Variants in RANBP2 observed in about 807,000 individuals in gnomAD.
RANBP2 encodes the protein RAN binding protein 2, also known as E3 SUMO-protein ligase RanBP2.
In RANBP2, 57 loss-of-function variants were observed where a neutral mutation model predicts 303.6. The observed-to-expected ratio is 0.19, with a 90% confidence interval of 0.15 to 0.23. RANBP2 has a LOEUF of 0.23. Ranked by LOEUF, RANBP2 falls within the 10% of genes least tolerant of loss-of-function variation. The pLI is 1.00. For missense variants in RANBP2, 3,138 were observed against 3,780.8 expected, an observed-to-expected ratio of 0.83 and a Z score of 4.46; for synonymous variants, 1,167 against 1,301.5, an observed-to-expected ratio of 0.90 and a Z score of 2.23.
chr2:109,662,214 C>G, the RANBP2 span, among the ~76,000 whole-genome samples: 27 of 152,194 alleles, frequency 1.8e-4, no homozygotes, highest in Admixed American at 1.8e-3. Flanking sequence ...CCTTTTCTCT[C>G]CTTCACCAAG....
chr2:109,474,011 G>C, the RANBP2 span, among the ~76,000 whole-genome samples: 1 of 152,296 alleles, frequency 6.6e-6, no homozygotes, highest in African/African-American at 2.4e-5. Flanking sequence ...TATGACAGGG[G>C]CTTTGATGCT....
the RANBP2 span, among the ~76,000 whole-genome samples, chr2:109,497,729 A>C: frequency 6.6e-6 from 1 of 152,230 alleles, no homozygotes; most frequent in South Asian, 2.1e-4. Flanking sequence ...GTCTCGTATA[A>C]ATTCAGCCCA....
the RANBP2 span, among the ~76,000 whole-genome samples, chr2:109,754,837 C>T: frequency 2.0e-4 from 1 of 5,102 alleles, no homozygotes; most frequent in African/African-American, 4.6e-4. Context: ...AGTATTGCCC[C>T]GCTGTGAGAA....
the RANBP2 span, among the ~76,000 whole-genome samples, chr2:108,924,907 G>A: frequency 6.6e-6 from 1 of 152,230 alleles, no homozygotes; most frequent in East Asian, 1.9e-4. Context: ...GCCAGACCAG[G>A]TCAACCTGCA....
chr2:109,570,208 T>A, the RANBP2 span, among the ~76,000 whole-genome samples: 2 of 152,198 alleles, frequency 1.3e-5, no homozygotes, highest in Non-Finnish European at 2.9e-5. Context: ...TTGTCTCTCA[T>A]CAACTGAATA....
At chr2:109,219,329 T>C in the RANBP2 span, among the ~76,000 whole-genome samples, 1 of 152,224 alleles carries the variant, frequency 6.6e-6, no homozygotes, top group African/African-American at 2.4e-5. Flanking sequence ...TCTACTTCTT[T>C]AATTTGCCAA....
chr2:108,904,661 A>G, the RANBP2 span, among the ~76,000 whole-genome samples: 5 of 152,256 alleles, frequency 3.3e-5, no homozygotes, highest in African/African-American at 1.2e-4. Flanking sequence ...GATACATGCA[A>G]CAACCTGGAT....
At chr2:109,326,478 C>T in the RANBP2 span, among the ~76,000 whole-genome samples, 1 of 152,082 alleles carries the variant, frequency 6.6e-6, no homozygotes. Context: ...TGGTGAGAGA[C>T]GTTTCCTTCT....
chr2:108,906,255 C>G, the RANBP2 span: 1 of 1,600,786 alleles, frequency 6.2e-7, no homozygotes, highest in Non-Finnish European at 8.6e-7. Flanking sequence ...GGGCCCAGCC[C>G]TTCATGTCGG....
the RANBP2 span, among the ~76,000 whole-genome samples, chr2:109,474,144 C>T: frequency 6.6e-6 from 1 of 152,082 alleles, no homozygotes. Context: ...CGCAGGTGGC[C>T]AGGGAAGCTT....
At chr2:109,573,082 T>C in the RANBP2 span, among the ~76,000 whole-genome samples, 2 of 152,230 alleles carry the variant, frequency 1.3e-5, no homozygotes, top group Non-Finnish European at 2.9e-5. Context: ...AGGCTCTTAC[T>C]GGGTATGCCT....
the RANBP2 span, among the ~76,000 whole-genome samples, chr2:109,612,655 C>T: frequency 1.3e-5 from 2 of 152,180 alleles, no homozygotes; most frequent in Non-Finnish European, 2.9e-5. Flanking sequence ...GATACGTAAT[C>T]TATGAATCAA....
chr2:109,700,892 T>TA, the RANBP2 span, among the ~76,000 whole-genome samples: 10 of 150,918 alleles, frequency 6.6e-5, no homozygotes, highest in Non-Finnish European at 1.2e-4. Context: ...TAGCAACAGG[T>TA]GGGAAGGTGA....
At chr2:109,721,737 A>C in the RANBP2 span, among the ~76,000 whole-genome samples, 1 of 152,200 alleles carries the variant, frequency 6.6e-6, no homozygotes, top group African/African-American at 2.4e-5. Flanking sequence ...CCTCAGCCCT[A>C]GGTGCTGGAG....
At chr2:108,740,419 A>G in intron 6 of RANBP2, 70 bp from the exon 7 acceptor site, 1 of 1,592,340 alleles carries the variant, frequency 6.3e-7, no homozygotes, top group Non-Finnish European at 8.5e-7. Flanking sequence ...TTTTGTTTTG[A>G]ATTAAATAAA....
chr2:109,734,059 A>G, the RANBP2 span, among the ~76,000 whole-genome samples: 1 of 151,516 alleles, frequency 6.6e-6, no homozygotes, highest in African/African-American at 2.4e-5. Flanking sequence ...GGTGCCTGTA[A>G]TCCCAGCTAC....
At position 108,766,054 on chromosome 2, in the gene RANBP2, A is replaced by G; in HGVS notation, c.5515A>G (p.Thr1839Ala). 2.5e-6 allele frequency: 4 copies of G among 1,614,152 alleles called. No individual in the cohort carries two copies. The highest frequency in any genetic ancestry group is 1.3e-5 in the African/African-American group (1 of 75,050). Reference sequence around the variant, plus strand: ...TGACTCTTCTGGAAGTCAGGTGGGAACAGGATTTAAAAGTAATTTCTCAGA... The same window carrying G: ...TGACTCTTCTGGAAGTCAGGTGGGAGCAGGATTTAAAAGTAATTTCTCAGA... ...LHDSSGSQVG[T>A]GFKSNFSEKA... is the part of the protein sequence containing the mutation. Residue 1839 changes from threonine (T) to alanine (A), a missense_variant, in exon 20 of 29, where the codon ACA becomes GCA. By Grantham distance (58) the Thr-to-Ala change is moderately conservative. Coordinates refer to ENST00000283195, the MANE Select transcript of RANBP2 (RefSeq NM_006267.5).
At chr2:109,129,531 C>A in the RANBP2 span, 6 of 1,496,838 alleles carry the variant, frequency 4.0e-6, no homozygotes, top group Non-Finnish European at 5.3e-6. Flanking sequence ...CCGCTGCGGG[C>A]GCCTCCCCCA....
the RANBP2 span, among the ~76,000 whole-genome samples, chr2:109,057,306 T>C: frequency 6.6e-6 from 1 of 152,242 alleles, no homozygotes. Context: ...ATGGTCTATT[T>C]GAATTATGTA....
Sources: allele counts gnomAD v4.1 joint callset (sites outside exome capture counted in the v4.1 genomes callset), GRCh38; gene constraint gnomAD v4.1.1; transcripts MANE v1.5; gene names NCBI Gene and HGNC (gene_info 2026-07-23, HGNC 2026-07-21).